TLE6: variants seen among roughly 807,000 people sequenced by gnomAD.
The protein encoded by TLE6 is TLE family member 6, subcortical maternal complex member.
In TLE6, 72 loss-of-function variants were observed where a neutral mutation model predicts 77.1. The ratio of observed to expected loss-of-function variants is 0.93; its 90% CI spans 0.77 to 1.14. TLE6 has a LOEUF of 1.14. Ranked by LOEUF, TLE6 falls within the 50% of genes most tolerant of loss-of-function variation. The pLI, the probability that TLE6 is intolerant of heterozygous loss-of-function variation, is 0.00. For missense variants in TLE6, 843 were observed against 747.6 expected (o/e 1.13, Z -1.49); for synonymous variants, 366 against 287.3 (o/e 1.27, Z -2.77).
chr19:2,985,349 C>T (rs370350593), intron 5 of TLE6, among the ~76,000 whole-genome samples: 111 of 150,718 alleles, frequency 7.4e-4, no homozygotes, highest in African/African-American at 2.4e-3. Flanking sequence ...CAAATTAAAA[C>T]GTCTTCCTCA....
chr19:2,979,879 G>A lies in TLE6; in HGVS notation c.52-221G>A, dbSNP rs559785415. ...CTCGGGAGGCTGAGGCAGGAGAATC[G>A]CTTGAACCCGGGAGGCAGAGTTTGC... On this transcript the variant is annotated intron_variant, in intron 2 of 16. Coordinates refer to ENST00000246112, the MANE Select transcript of TLE6 (RefSeq NM_001143986.2). Among the ~76,000 whole-genome samples, 75 of 149,380 alleles carry A rather than the reference G, an allele frequency of 5.0e-4. 1 individual carries two copies. The highest frequency in any genetic ancestry group is 1.7e-3 in the African/African-American group (68 of 40,684).
chr19:2,989,377 T>C (rs2088991122), intron 12 of TLE6, 64 bp downstream of exon 12: 3 of 1,599,116 alleles, frequency 1.9e-6, no homozygotes, highest in Admixed American at 3.4e-5. Flanking sequence ...GAGGTTTGAG[T>C]CTGGCAGAGC....
intron 15 of TLE6, 61 bp downstream of exon 15, chr19:2,993,643 C>T (rs1173308310): frequency 2.0e-6 from 3 of 1,505,796 alleles, no homozygotes; most frequent in Admixed American, 2.2e-5. Context: ...CACAAGACCC[C>T]ACCTAATGCC....
chr19:2,978,106 T>C, intron 1 of TLE6, 92 bp from the exon 2 acceptor site: 4 of 910,970 alleles, frequency 4.4e-6, no homozygotes, highest in Non-Finnish European at 5.2e-6. Context: ...CTTACCAAAC[T>C]GGGAGGTGCG....
chr19:2,979,138 G>C (rs184958150), intron 2 of TLE6, among the ~76,000 whole-genome samples: 2 of 151,936 alleles, frequency 1.3e-5, no homozygotes, highest in Admixed American at 1.3e-4. Flanking sequence ...ATTTTTAGTA[G>C]AGACTGGGTT....
At chr19:2,981,261 G>A (rs1004021931) in intron 3 of TLE6, among the ~76,000 whole-genome samples, 2 of 151,378 alleles carry the variant, frequency 1.3e-5, no homozygotes, top group Non-Finnish European at 2.9e-5. Context: ...TCGGGAGGTC[G>A]AGGCAGGAGG....
At position 2,981,528 on chromosome 19, in the gene TLE6, TC is replaced by T; in HGVS notation, c.135-5del. 1 of 1,551,196 alleles carries T rather than the reference TC, an allele frequency of 6.4e-7. No individual in the cohort carries two copies. The highest frequency in any genetic ancestry group is 8.7e-7 in the Non-Finnish European group (1 of 1,146,804). On this transcript the variant is annotated splice_polypyrimidine_tract_variant and intron_variant, in intron 3 of 16. Transcript: ENST00000246112. Reference sequence around the variant, plus strand: ...CACAGGTCTTCCAGCCTGTCCTCCTTCCCCCTCAGGTTTTCTCCTCATTTTG... The same window carrying T: ...CACAGGTCTTCCAGCCTGTCCTCCTTCCCCTCAGGTTTTCTCCTCATTTTG...
At chr19:2,981,450 A>G (rs2088795823) in intron 3 of TLE6, 88 bp from the exon 4 acceptor site, 1 of 1,427,548 alleles carries the variant, frequency 7.0e-7, no homozygotes, top group Non-Finnish European at 9.6e-7. Context: ...CTTCATTGAG[A>G]CCCTCCCTAG....
intron 2 of TLE6, among the ~76,000 whole-genome samples, chr19:2,978,646 C>T (rs1404016287): frequency 6.6e-6 from 1 of 152,030 alleles, no homozygotes; most frequent in East Asian, 1.9e-4. Flanking sequence ...GTTGCAGCTA[C>T]TTGGGAGGCT....
At position 2,995,116 on chromosome 19, in the gene TLE6, G is replaced by T. The variant is rs1186963666; in HGVS notation, c.*112G>T. On this transcript the variant is annotated 3_prime_UTR_variant, in exon 17 of 17. Coordinates refer to ENST00000246112, the MANE Select transcript of TLE6 (RefSeq NM_001143986.2). ...AGCGGGAAGGCTCTTCTGTGGCATC[G>T]CACGATCTAGTCTGTGGTGTAGACT... 4.4e-6 allele frequency: 3 copies of T among 676,760 alleles called. No homozygotes were observed. The South Asian group carries it at 5.3e-5, about 12-fold the overall frequency. 41.9% of individuals were successfully genotyped at this position (676,760 alleles called of 1,614,324 possible).
rs1015465764 is a variant in TLE6 at position 2,986,901 on chromosome 19, T to G, written c.285+10T>G. The G allele has an allele frequency of 1.9e-6, 3 of 1,551,890 alleles. No individual in the cohort carries two copies. In the African/African-American group the frequency reaches 4.1e-5, roughly 21 times the overall value. ...TTTCCAGTCTGAGGAGGTGAGTTTC[T>G]GGGTCTTCAAGGAGGGGAGGGGACA... On this transcript the variant is annotated intron_variant, in intron 6 of 16. Coordinates refer to ENST00000246112, the MANE Select transcript of TLE6 (RefSeq NM_001143986.2).
At chr19:2,994,769 A>G in intron 16 of TLE6, 131 bp from the exon 17 acceptor site, 1 of 547,108 alleles carries the variant, frequency 1.8e-6, no homozygotes. Flanking sequence ...GCACCACTGC[A>G]CTCCAGCCTG....
chr19:2,991,358 CAAAAA>C (rs1336193754), intron 13 of TLE6, among the ~76,000 whole-genome samples: 1 of 58,762 alleles, frequency 1.7e-5, no homozygotes, highest in Non-Finnish European at 3.4e-5. Flanking sequence ...GACTCCATTT[CAAAAA>C]AAAAAAAAAT....
In TLE6 at chr19:2,978,116, G is replaced by A. The variant is rs79276900; in HGVS notation, c.-36-82G>A. On this transcript the variant is annotated intron_variant, in intron 1 of 16. Transcript: ENST00000246112. ...GGAGACTTACCAAACTGGGAGGTGC[G>A]GGTGGGGTAACGGGTGCCTTGCTTC... 8.8e-4 allele frequency: 892 copies of A among 1,017,812 alleles called. 7 individuals are homozygous for A. The African/African-American group carries it at 0.013, about 15-fold the overall frequency. The allele number at this position is 1,017,812 out of a possible 1,614,324, so 63.0% of individuals were successfully genotyped here.
Position 2,978,227 on chromosome 19 carries a change from C to T in TLE6, c.-7C>T. The T allele has an allele frequency of 6.4e-7, 1 of 1,551,458 alleles. No individual in the cohort carries two copies. Among genetic ancestry groups the T allele is most frequent in the Non-Finnish European group, 8.7e-7 (1 of 1,146,972 alleles). ...TGGCTAAAGTCTTGGAGGCTACTGC[C>T]TTGAAGATGACCTCTAGGGACCAGC... On this transcript the variant is annotated 5_prime_UTR_variant, in exon 2 of 17. Transcript: ENST00000246112.
intron 5 of TLE6, among the ~76,000 whole-genome samples, chr19:2,985,886 G>A (rs1568212133): frequency 6.6e-6 from 1 of 150,408 alleles, no homozygotes; most frequent in Non-Finnish European, 1.5e-5. Context: ...GACCAGCCCG[G>A]CCAACATGGT....
chr19:2,994,146 G>C, intron 16 of TLE6, 51 bp downstream of exon 16: 2 of 1,492,428 alleles, frequency 1.3e-6, no homozygotes, highest in Non-Finnish European at 1.8e-6. Context: ...AAAGGGACCA[G>C]CCTGGGCAAC....
rs777286902 is a variant in TLE6 at position 2,989,350 on chromosome 19, C to T, written c.993+37C>T. On this transcript the variant is annotated intron_variant, in intron 12 of 16. Transcript: ENST00000246112. ...CTTGGTTTCCAGGGATGCAGGGCTT[C>T]TGGGAACAGGGGGTTTGAGGTTTGA... The T allele has an allele frequency of 4.4e-6, 7 of 1,606,942 alleles. No homozygotes were observed. In the South Asian group the frequency reaches 5.5e-5, roughly 13 times the overall value.
intron 3 of TLE6, 108 bp from the exon 4 acceptor site, chr19:2,981,430 T>A: frequency 8.0e-7 from 1 of 1,243,338 alleles, no homozygotes. Flanking sequence ...CTGGAGCCAG[T>A]GCCTTCCAGC....
Sources: allele counts gnomAD v4.1 joint callset (sites outside exome capture counted in the v4.1 genomes callset), GRCh38; gene constraint gnomAD v4.1.1; transcripts MANE v1.5; gene names NCBI Gene and HGNC (gene_info 2026-07-23, HGNC 2026-07-21).